The following KIAA0232 variants were observed in gnomAD, a reference collection of about 807,000 sequenced individuals.
KIAA0232 encodes KIAA0232, also known as uncharacterized protein KIAA0232.
Under a neutral mutation model 122.0 loss-of-function variants are expected in KIAA0232, and 27 were observed. That is an observed-to-expected ratio of 0.22 (90% confidence interval 0.16 to 0.31). The LOEUF (loss-of-function observed/expected upper bound fraction) is 0.31, where lower values mean the gene tolerates loss of function less well. Among genes scored for constraint, KIAA0232 ranks in the 10% least tolerant of loss-of-function variants. KIAA0232 has a pLI of 1.00. For synonymous variants in KIAA0232, 613 were observed against 587.6 expected, an observed-to-expected ratio of 1.04 and a Z score of -0.63; for missense variants, 1,551 against 1,634.2, an observed-to-expected ratio of 0.95 and a Z score of 0.88.
intron 1 of KIAA0232, among the ~76,000 whole-genome samples, chr4:6,794,510 T>A (rs1560160813): frequency 6.6e-6 from 1 of 152,148 alleles, no homozygotes; most frequent in African/African-American, 2.4e-5. Context: ...AGCAAGTAGA[T>A]GCATATGTGA....
intron 2 of KIAA0232, among the ~76,000 whole-genome samples, chr4:6,820,625 T>C (rs1718376562): frequency 2.0e-5 from 3 of 152,084 alleles, no homozygotes; most frequent in African/African-American, 7.3e-5. Context: ...TGGCTTATGT[T>C]TTACTTATAT....
chr4:6,879,758 G>C (rs1397630874), intron 9 of KIAA0232, among the ~76,000 whole-genome samples: 3 of 152,170 alleles, frequency 2.0e-5, no homozygotes, highest in Admixed American at 6.5e-5. Context: ...CCTCTGCATG[G>C]CTGGCTTCTC....
intron 3 of KIAA0232, among the ~76,000 whole-genome samples, chr4:6,831,624 C>T (rs1384453975): frequency 1.3e-5 from 2 of 152,180 alleles, no homozygotes; most frequent in African/African-American, 4.8e-5. Flanking sequence ...TGAATTTTCA[C>T]AAAGATCATA....
At chr4:6,841,916 C>A in intron 3 of KIAA0232, 151 bp from the exon 4 acceptor site, 1 of 811,914 alleles carries the variant, frequency 1.2e-6, no homozygotes. Context: ...CTTGGAATGC[C>A]AGCTCCCTTC....
intron 2 of KIAA0232, among the ~76,000 whole-genome samples, chr4:6,818,941 A>C (rs990639963): frequency 6.6e-6 from 1 of 152,176 alleles, no homozygotes; most frequent in Non-Finnish European, 1.5e-5. Context: ...TAGCCATCGA[A>C]TCTTCAACAA....
intron 3 of KIAA0232, among the ~76,000 whole-genome samples, chr4:6,839,101 G>C (rs945842859): frequency 1.3e-5 from 2 of 152,140 alleles, no homozygotes; most frequent in Admixed American, 1.3e-4. Flanking sequence ...ACTCCAGCCT[G>C]GGTTACAGAG....
intron 1 of KIAA0232, among the ~76,000 whole-genome samples, chr4:6,797,621 C>G (rs980733612): frequency 2.0e-5 from 3 of 151,322 alleles, no homozygotes; most frequent in African/African-American, 4.9e-5. Flanking sequence ...AAAAACCTAG[C>G]TGGGTGTAGT....
chr4:6,880,256 C>G (rs4996399), intron 9 of KIAA0232, among the ~76,000 whole-genome samples: 1 of 83,076 alleles, frequency 1.2e-5, no homozygotes, highest in East Asian at 2.4e-4. Context: ...CTGCAGTGTC[C>G]CCTCACCATC....
chr4:6,812,414 C>T (rs768978222), intron 2 of KIAA0232, among the ~76,000 whole-genome samples: 17 of 151,982 alleles, frequency 1.1e-4, no homozygotes, highest in South Asian at 4.1e-4. Context: ...GGTCTTAGAA[C>T]GCCATGGGGG....
chr4:6,866,636 C>T (rs1721195742), intron 7 of KIAA0232, among the ~76,000 whole-genome samples: 1 of 152,166 alleles, frequency 6.6e-6, no homozygotes, highest in African/African-American at 2.4e-5. Flanking sequence ...GTTTAAAGAT[C>T]AGTAGAACCC....
At chr4:6,793,417 T>C (rs1716993111) in intron 1 of KIAA0232, among the ~76,000 whole-genome samples, 1 of 152,210 alleles carries the variant, frequency 6.6e-6, no homozygotes, top group Non-Finnish European at 1.5e-5. Flanking sequence ...ACTGTAGTTT[T>C]AGATTTTGTA....
rs1237624999 is a variant in KIAA0232, at chr4:6,862,113, G to A, written c.1731G>A (p.Glu577=). 1.2e-6 allele frequency: 2 copies of A among 1,614,204 alleles called. No homozygotes were observed. Among genetic ancestry groups the A allele is most frequent in the Non-Finnish European group, 1.7e-6 (2 of 1,180,040 alleles). ...ATTCTACCAGCTCCGTAGGTGCTGA[G>A]GGCTTATTCCTGCAGGACCTTGGCA... ...WTDSTSSVGA[E]GLFLQDLGNL... is the part of the protein sequence containing the mutation. The change falls in exon 7 of 10, where the codon GAG becomes GAA. Residue 577 remains glutamate, a synonymous_variant. Coordinates refer to ENST00000307659, the MANE Select transcript of KIAA0232 (RefSeq NM_014743.3).
intron 2 of KIAA0232, among the ~76,000 whole-genome samples, chr4:6,814,892 T>TC (rs1718048862): frequency 6.6e-6 from 1 of 152,130 alleles, no homozygotes; most frequent in Non-Finnish European, 1.5e-5. Flanking sequence ...GATTTAAACT[T>TC]TAAAGTAAAA....
Position 6,830,887 on chromosome 4 carries a change from A to G in KIAA0232, c.231+6203A>G, listed in dbSNP as rs78568352. Among the ~76,000 whole-genome samples the G allele has an allele frequency of 1.9e-3, 286 of 152,166 alleles. 10 individuals are homozygous for G. The East Asian group carries it at 0.052, about 28-fold the overall frequency. ...GACAAGACTTGGGTGGCTAGGGTAC[A>G]AGCACCTGGAACCACAAGGACTAAG... On this transcript the variant is annotated intron_variant, in intron 3 of 9. Transcript: ENST00000307659.
At chr4:6,845,713 C>T (rs1719920790) in intron 4 of KIAA0232, among the ~76,000 whole-genome samples, 1 of 152,010 alleles carries the variant, frequency 6.6e-6, no homozygotes, top group African/African-American at 2.4e-5. Context: ...GAGAAAGGAT[C>T]TTATTTCTTC....
rs182753546 is a variant in KIAA0232, at chr4:6,870,276, C to G, written c.3802-1298C>G. The stretch of plus-strand genomic sequence containing the variant: ...AGAATCCCACTGGGAAAGGACAGAG[C>G]CTGGGTTCAGGCTAGGTCCCTCTTC... On this transcript the variant is annotated intron_variant, in intron 7 of 9. Coordinates refer to ENST00000307659, the MANE Select transcript of KIAA0232 (RefSeq NM_014743.3). 2.0e-5 allele frequency among the ~76,000 whole-genome samples: 3 copies of G among 152,304 alleles called. No individual in the cohort carries two copies. The East Asian group carries it at 5.8e-4, about 29-fold the overall frequency.
chr4:6,870,014 G>C (rs371611884), intron 7 of KIAA0232, among the ~76,000 whole-genome samples: 9 of 152,326 alleles, frequency 5.9e-5, no homozygotes, highest in African/African-American at 2.2e-4. Context: ...GCCTCACCCT[G>C]GGCGAGCTGG....
intron 3 of KIAA0232, among the ~76,000 whole-genome samples, chr4:6,830,403 C>CT (rs10714574): frequency 0.066 from 4,933 of 75,312 alleles, 470 homozygotes; most frequent in African/African-American, 0.2. Context: ...TCTCTGTTGT[C>CT]TTTTTTTTTT....
intron 1 of KIAA0232, among the ~76,000 whole-genome samples, chr4:6,800,861 G>C (rs138401886): frequency 6.7e-4 from 102 of 152,310 alleles, no homozygotes; most frequent in African/African-American, 2.3e-3. Context: ...GGTTATGTGA[G>C]GGGGGTGATA....
Sources: allele counts gnomAD v4.1 joint callset (sites outside exome capture counted in the v4.1 genomes callset), GRCh38; gene constraint gnomAD v4.1.1; transcripts MANE v1.5; gene names NCBI Gene and HGNC (gene_info 2026-07-23, HGNC 2026-07-21).